The following LUZP2 variants were observed in gnomAD, a reference collection of about 807,000 sequenced individuals.
LUZP2 encodes leucine zipper protein 2.
A neutral mutation model predicts 51.6 loss-of-function variants in LUZP2; 52 were observed. The ratio of observed to expected loss-of-function variants is 1.01; its 90% confidence interval spans 0.81 to 1.27. The LOEUF (loss-of-function observed/expected upper bound fraction) is 1.27. Ranked by LOEUF, LUZP2 falls within the 50% of genes most tolerant of loss-of-function variation. LUZP2 has a pLI of 0.00. For synonymous variants in LUZP2, 154 were observed against 137.3 expected (o/e 1.12, Z -0.85); for missense variants, 436 against 395.4 (o/e 1.10, Z -0.87).
intron 1 of LUZP2, among the ~76,000 whole-genome samples, chr11:24,654,827 CT>C (rs35699452): frequency 3.1e-4 from 45 of 146,862 alleles, no homozygotes; most frequent in East Asian, 4.0e-4. Context: ...GCCCGGCCTA[CT>C]TTTTTTTTTT....
rs67250902 is a variant in LUZP2 at position 24,633,939 on chromosome 11, C to CGTGTGTGTGT, written c.63-95213_63-95204dup. Among the ~76,000 whole-genome samples, 4 of 148,526 alleles carry CGTGTGTGTGT rather than the reference C, an allele frequency of 2.7e-5. No homozygotes were observed. In the East Asian group the frequency reaches 7.9e-4, roughly 29 times the overall value. ...AAATGTATTTTTTTAGTCTAACACA[C>CGTGTGTGTGT]GTGTGTGTGTGTGTGTGTGTGTGTG... On this transcript the variant is annotated intron_variant, in intron 1 of 11. Transcript: ENST00000336930.
At chr11:24,514,751 G>A (rs1590123531) in intron 1 of LUZP2, among the ~76,000 whole-genome samples, 2 of 152,084 alleles carry the variant, frequency 1.3e-5, no homozygotes. Context: ...CTATTTATCA[G>A]GGCAATTGTT....
intron 5 of LUZP2, among the ~76,000 whole-genome samples, chr11:24,874,596 A>G (rs1374162588): frequency 1.3e-5 from 2 of 152,158 alleles, no homozygotes; most frequent in Admixed American, 6.5e-5. Flanking sequence ...GCCCCAGTGT[A>G]AGAAATATTG....
chr11:24,980,360 A>G (rs1855992975), intron 8 of LUZP2, among the ~76,000 whole-genome samples: 2 of 151,832 alleles, frequency 1.3e-5, no homozygotes, highest in Non-Finnish European at 2.9e-5. Flanking sequence ...AAGATCACAT[A>G]TGAGAAATAC....
At chr11:24,663,173 G>A (rs1856078240) in intron 1 of LUZP2, among the ~76,000 whole-genome samples, 2 of 152,108 alleles carry the variant, frequency 1.3e-5, no homozygotes, top group Non-Finnish European at 2.9e-5. Context: ...CTGCCAAAAT[G>A]TCATGTTAAA....
At position 24,741,968 on chromosome 11, in the gene LUZP2, A is replaced by ATATACATTTATATATTATATATAAATG. The variant is rs1859184164; in HGVS notation, c.333+3671_333+3697dup. On this transcript the variant is annotated intron_variant, in intron 4 of 11. Coordinates refer to ENST00000336930, the MANE Select transcript of LUZP2 (RefSeq NM_001009909.4). ...ATACATTTATATATTATATATAAAT[A>ATATACATTTATATATTATATATAAATG]TATACATTTATATATTATATATAAA... Among the ~76,000 whole-genome samples the ATATACATTTATATATTATATATAAATG allele has an allele frequency of 1.0e-3, 36 of 34,300 alleles. 1 individual carries two copies. Among genetic ancestry groups the ATATACATTTATATATTATATATAAATG allele is most frequent in the African/African-American group, 2.5e-3 (34 of 13,370 alleles). The allele number at this position is 34,300 out of a possible 152,430, so 22.5% of individuals were successfully genotyped here.
intron 9 of LUZP2, among the ~76,000 whole-genome samples, chr11:25,013,796 G>C (rs1590835114): frequency 6.6e-6 from 1 of 151,630 alleles, no homozygotes; most frequent in Non-Finnish European, 1.5e-5. Flanking sequence ...ATGTGCACAT[G>C]GTGCAGGTTT....
intron 5 of LUZP2, among the ~76,000 whole-genome samples, chr11:24,764,639 G>A (rs1860115956): frequency 6.6e-6 from 1 of 151,870 alleles, no homozygotes; most frequent in Admixed American, 6.6e-5. Flanking sequence ...ATTTCAGCCT[G>A]GGTGACAGAG....
At chr11:24,909,481 C>T (rs778700056) in intron 6 of LUZP2, among the ~76,000 whole-genome samples, 1 of 149,856 alleles carries the variant, frequency 6.7e-6, no homozygotes, top group Admixed American at 6.7e-5. Flanking sequence ...CCTTGATATT[C>T]ATCAACATTA....
At chr11:24,881,899 C>T (rs181571686) in intron 5 of LUZP2, among the ~76,000 whole-genome samples, 2 of 127,136 alleles carry the variant, frequency 1.6e-5, no homozygotes, top group East Asian at 5.6e-4. Flanking sequence ...TTTCTAATAA[C>T]CTATTTATTT....
chr11:24,530,157 C>A (rs1022984994), intron 1 of LUZP2, among the ~76,000 whole-genome samples: 3 of 150,722 alleles, frequency 2.0e-5, no homozygotes, highest in African/African-American at 4.8e-5. Context: ...GCACTCTGAT[C>A]CTAACATTAA....
chr11:24,629,463 C>T (rs10834410), intron 1 of LUZP2, among the ~76,000 whole-genome samples: 66,845 of 146,712 alleles, frequency 0.46, 15,514 homozygotes, highest in African/African-American at 0.55. Flanking sequence ...ATGCATTATA[C>T]ATTATACATT....
At chr11:24,736,266 TTAA>T (rs1437052934) in intron 3 of LUZP2, among the ~76,000 whole-genome samples, 3 of 152,014 alleles carry the variant, frequency 2.0e-5, no homozygotes, top group Non-Finnish European at 2.9e-5. Context: ...CATTGTCATT[TTAA>T]TAAAACATAC....
intron 5 of LUZP2, among the ~76,000 whole-genome samples, chr11:24,817,070 C>T (rs1850211329): frequency 6.6e-6 from 1 of 151,932 alleles, no homozygotes; most frequent in South Asian, 2.1e-4. Flanking sequence ...TGAAGTCAGA[C>T]ATCTGGATTC....
intron 1 of LUZP2, among the ~76,000 whole-genome samples, chr11:24,608,670 A>G (rs1590237157): frequency 6.6e-6 from 1 of 152,338 alleles, no homozygotes; most frequent in South Asian, 2.1e-4. Context: ...TTCAGTTTAT[A>G]CATATGCACA....
At chr11:24,878,655 A>G (rs1310698047) in intron 5 of LUZP2, among the ~76,000 whole-genome samples, 1 of 151,146 alleles carries the variant, frequency 6.6e-6, no homozygotes, top group Non-Finnish European at 1.5e-5. Context: ...TTTAATTTTT[A>G]TTTTAGTTTC....
intron 10 of LUZP2, among the ~76,000 whole-genome samples, chr11:25,063,675 C>A (rs1385076433): frequency 1.3e-5 from 2 of 150,616 alleles, no homozygotes; most frequent in African/African-American, 4.9e-5. Flanking sequence ...TAATGTAGAA[C>A]CACATTTCTT....
chr11:24,744,260 C>T (rs577352403), intron 4 of LUZP2, among the ~76,000 whole-genome samples: 4 of 152,052 alleles, frequency 2.6e-5, no homozygotes, highest in African/African-American at 7.2e-5. Flanking sequence ...CTTTTTCTAT[C>T]TTGTGGCATA....
rs190726045 is a variant in LUZP2 at position 24,707,412 on chromosome 11, G to T, written c.63-21757G>T. ...AATATCATGTGAAAAACACAGAAAA[G>T]CTTAACAGTTGTCAAATGTTGTTAG... On this transcript the variant is annotated intron_variant, in intron 1 of 11. Coordinates refer to ENST00000336930, the MANE Select transcript of LUZP2 (RefSeq NM_001009909.4). Among the ~76,000 whole-genome samples the T allele has an allele frequency of 4.0e-3, 606 of 151,976 alleles. 6 individuals carry two copies. Among genetic ancestry groups the T allele is most frequent in the African/African-American group, 0.014 (574 of 41,450 alleles).
Sources: allele counts gnomAD v4.1 joint callset (sites outside exome capture counted in the v4.1 genomes callset), GRCh38; gene constraint gnomAD v4.1.1; transcripts MANE v1.5; gene names NCBI Gene and HGNC (gene_info 2026-07-23, HGNC 2026-07-21).